Variants in OTOF observed in about 807,000 individuals in gnomAD.
OTOF encodes the protein otoferlin.
A neutral mutation model predicts 236.8 loss-of-function variants in OTOF; 218 were observed. The ratio of observed to expected loss-of-function variants is 0.92; its 90% CI spans 0.82 to 1.03. The LOEUF (loss-of-function observed/expected upper bound fraction) is 1.03. Ranked by LOEUF, OTOF falls within the 50% of genes least tolerant of loss-of-function variation. The pLI is 0.00. For missense variants in OTOF, 2,590 were observed against 2,694.4 expected, an observed-to-expected ratio of 0.96 and a Z score of 0.86; for synonymous variants, 1,041 against 1,072.5, an observed-to-expected ratio of 0.97 and a Z score of 0.57.
chr2:26,458,271 C>T, intron 46 of OTOF, 51 bp from the exon 47 acceptor site: 1 of 1,519,712 alleles, frequency 6.6e-7, no homozygotes, highest in South Asian at 1.2e-5. Flanking sequence ...GAGCTGCCTC[C>T]CAGTGCACCC....
At chr2:26,467,307 T>C in intron 34 of OTOF, 58 bp downstream of exon 34, 1 of 1,613,784 alleles carries the variant, frequency 6.2e-7, no homozygotes. Flanking sequence ...GCAGGATCAC[T>C]GCGCCCCCCT....
rs188902411 is a variant in OTOF at position 26,457,873 on chromosome 2, G to A, written c.*365C>T. ...GGCGGGACTGGGCAAGCCGCAGCCT[G>A]GGGCAGTGAGGACAGGCGGCCCCCG... On this transcript the variant is annotated 3_prime_UTR_variant, in exon 47 of 47. Coordinates refer to ENST00000272371, the MANE Select transcript of OTOF (RefSeq NM_194248.3). The surrounding 1 kb of genome is among the most constrained non-coding windows in gnomAD (Gnocchi z 4.4). 77 of 693,752 alleles carry A rather than the reference G, an allele frequency of 1.1e-4. No homozygotes were observed. Among genetic ancestry groups the A allele is most frequent in the Non-Finnish European group, 6.4e-5 (26 of 408,166 alleles). 43.0% of individuals were successfully genotyped at this position (693,752 alleles called of 1,614,324 possible).
chr2:26,534,409 G>C (rs1433173660), intron 2 of OTOF, among the ~76,000 whole-genome samples: 1 of 152,158 alleles, frequency 6.6e-6, no homozygotes, highest in African/African-American at 2.4e-5. Context: ...AGAGTTGTAG[G>C]TTAAATGTAG....
chr2:26,525,511 T>C (rs1264748476), intron 3 of OTOF, among the ~76,000 whole-genome samples: 2 of 152,190 alleles, frequency 1.3e-5, no homozygotes, highest in African/African-American at 4.8e-5. Flanking sequence ...TCTTTCCTCT[T>C]CCTGTGGCAA....
intron 1 of OTOF, among the ~76,000 whole-genome samples, chr2:26,543,979 C>G (rs1442771090): frequency 6.6e-6 from 1 of 152,216 alleles, no homozygotes; most frequent in Non-Finnish European, 1.5e-5. Flanking sequence ...CCTTGGCCTC[C>G]CAAAATGCTA....
intron 5 of OTOF, among the ~76,000 whole-genome samples, chr2:26,510,528 C>T (rs1399415500): frequency 6.6e-6 from 1 of 152,070 alleles, no homozygotes; most frequent in Non-Finnish European, 1.5e-5. Flanking sequence ...TCATCCCTCA[C>T]CCCCGTGGCC....
rs1389530317 is a variant in OTOF at position 26,467,368 on chromosome 2, A to C, written c.4224T>G (p.Leu1408=). ...PEKKKPKIDE[L]KVYPKELESE... Reference sequence around the variant, plus strand: ...GGGTCTGCTCCTAGGCTCTCACCTTAAGCTCATCAATCTTGGGTTTCTTCT... The same window carrying C: ...GGGTCTGCTCCTAGGCTCTCACCTTCAGCTCATCAATCTTGGGTTTCTTCT... Residue 1408 remains leucine, a synonymous_variant, in exon 34 of 47, where the codon CTT becomes CTG. Transcript: ENST00000272371. 1 of 1,612,536 alleles carries C rather than the reference A, an allele frequency of 6.2e-7. No homozygotes were observed. Among genetic ancestry groups the C allele is most frequent in the South Asian group, 1.1e-5 (1 of 90,994 alleles).
In OTOF at chr2:26,503,847, T is replaced by C. The variant is rs537929921; in HGVS notation, c.510-2A>G. The C allele has an allele frequency of 6.2e-7, 1 of 1,613,860 alleles. No homozygotes were observed. The highest frequency in any genetic ancestry group is 2.2e-5 in the East Asian group (1 of 44,876). On this transcript the variant is annotated splice_acceptor_variant, in intron 5 of 46. Transcript: ENST00000272371. LOFTEE classifies it high-confidence loss of function. ...GCGGAGAACACGCTCCTCCCGGCTC[T>C]GTGAGGGGGGCCACCAGAATGAGGT...
intron 30 of OTOF, 83 bp downstream of exon 30, chr2:26,472,436 G>T: frequency 6.4e-7 from 1 of 1,559,430 alleles, no homozygotes; most frequent in East Asian, 2.2e-5. Context: ...CTTTTCTCTC[G>T]GGGCAGATAG....
rs1261452193 is a variant in OTOF at position 26,460,265 on chromosome 2, G to A, written c.5814-60C>T. The stretch of plus-strand genomic sequence containing the variant: ...ACAGGGAGGAGAAGGGATTGGGTGT[G>A]GCGAGGGGCCAAGACCAAGAGGGAA... On this transcript the variant is annotated intron_variant, in intron 45 of 46. Transcript: ENST00000272371. The surrounding 1 kb of genome is among the most constrained non-coding windows in gnomAD (Gnocchi z 5.3). 1.4e-6 allele frequency: 2 copies of A among 1,390,500 alleles called. No individual in the cohort carries two copies. Among genetic ancestry groups the A allele is most frequent in the Non-Finnish European group, 2.0e-6 (2 of 998,670 alleles). 86.1% of individuals were successfully genotyped at this position (1,390,500 alleles called of 1,614,324 possible). A position where few individuals can be genotyped will look rare whatever the true frequency, so the allele number is the denominator to read the frequency against.
Position 26,460,202 on chromosome 2 carries a change from C to T in OTOF, c.5817G>A (p.Arg1939=). The change falls in exon 46 of 47, where the codon CGG becomes CGA. Residue 1939 remains arginine (R), a synonymous_variant. Transcript: ENST00000272371. The surrounding 1 kb of genome is among the most constrained non-coding windows in gnomAD (Gnocchi z 5.3). ...GGAACCAGATGAAGCTCGTGTCGGGCCGGCTGGAGTATGAAGGGTAGAGAG... is the reference window on the plus strand; with the variant it reads ...GGAACCAGATGAAGCTCGTGTCGGGTCGGCTGGAGTATGAAGGGTAGAGAG... The part of the protein sequence containing the change: ...NEPDPLEKPN[R]PDTSFIWFLN... 6.2e-7 allele frequency: 1 copy of T among 1,600,552 alleles called. No individual in the cohort carries two copies. Among genetic ancestry groups the T allele is most frequent in the Non-Finnish European group, 8.5e-7 (1 of 1,174,162 alleles).
intron 31 of OTOF, 95 bp downstream of exon 31, chr2:26,471,026 C>A: frequency 1.3e-6 from 2 of 1,486,084 alleles, no homozygotes; most frequent in Non-Finnish European, 1.9e-6. Context: ...GGGGCTGGGG[C>A]TGGCTCTGTC....
chr2:26,463,463 C>T lies in OTOF; in HGVS notation c.5192+20G>A. 6.4e-7 allele frequency: 1 copy of T among 1,573,230 alleles called. No homozygotes were observed. Among genetic ancestry groups the T allele is most frequent in the Non-Finnish European group, 8.7e-7 (1 of 1,155,820 alleles). ...TGGGGTGGGCCGGAAGGGAGTAGCGCTGGGCCCCAGGCCGCTCACTTCTTG... is the reference window on the plus strand; with the variant it reads ...TGGGGTGGGCCGGAAGGGAGTAGCGTTGGGCCCCAGGCCGCTCACTTCTTG... On this transcript the variant is annotated intron_variant, in intron 41 of 46. Transcript: ENST00000272371.
rs900576433 is a variant in OTOF, at chr2:26,474,775, G to C, written c.3127-101C>G. Reference sequence around the variant, plus strand: ...GCGCCATGAGTTGTTGTAAGGGACAGGTGTGATCACCCCATTTTACAGATG... The same window carrying C: ...GCGCCATGAGTTGTTGTAAGGGACACGTGTGATCACCCCATTTTACAGATG... On this transcript the variant is annotated intron_variant, in intron 25 of 46. Coordinates refer to ENST00000272371, the MANE Select transcript of OTOF (RefSeq NM_194248.3). The C allele has an allele frequency of 4.5e-6, 6 of 1,321,704 alleles. No individual in the cohort carries two copies. In the Admixed American group the frequency reaches 8.6e-5, roughly 19 times the overall value. 81.9% of individuals were successfully genotyped at this position (1,321,704 alleles called of 1,614,324 possible).
At chr2:26,463,192 G>A (rs1253310094) in intron 41 of OTOF, among the ~76,000 whole-genome samples, 2 of 152,202 alleles carry the variant, frequency 1.3e-5, no homozygotes, top group Admixed American at 6.5e-5. Context: ...CGTAGACCGT[G>A]TAGATACAAT....
At chr2:26,481,814 C>T (rs539883579) in intron 14 of OTOF, among the ~76,000 whole-genome samples, 4 of 152,216 alleles carry the variant, frequency 2.6e-5, no homozygotes, top group South Asian at 2.1e-4. Flanking sequence ...GTGGATTTGC[C>T]GGATGTTTCA....
chr2:26,466,922 A>C (rs1664754993), intron 35 of OTOF, 71 bp from the exon 36 acceptor site: 2 of 1,602,160 alleles, frequency 1.2e-6, no homozygotes, highest in African/African-American at 1.3e-5. Flanking sequence ...AGCTAACAGC[A>C]CCAGGAGGGC....
chr2:26,467,310 G>GC (rs1223426163), intron 34 of OTOF, 55 bp downstream of exon 34: 6 of 1,613,286 alleles, frequency 3.7e-6, no homozygotes, highest in South Asian at 2.2e-5. Flanking sequence ...GGATCACTGC[G>GC]CCCCCCTCTT....
At chr2:26,510,114 C>T (rs1019686946) in intron 5 of OTOF, among the ~76,000 whole-genome samples, 9 of 152,192 alleles carry the variant, frequency 5.9e-5, no homozygotes, top group Non-Finnish European at 1.2e-4. Context: ...GGACCCTTCT[C>T]CTGTCCTCTC....
Sources: allele counts gnomAD v4.1 joint callset (sites outside exome capture counted in the v4.1 genomes callset), GRCh38; gene constraint gnomAD v4.1.1; non-coding constraint Gnocchi (gnomAD v3.1); transcripts MANE v1.5; gene names NCBI Gene and HGNC (gene_info 2026-07-23, HGNC 2026-07-21).